Variants in MEGF6 observed in about 807,000 individuals in gnomAD.
MEGF6 encodes multiple EGF like domains 6, also known as multiple epidermal growth factor-like domains protein 6.
In MEGF6, 184 loss-of-function variants were observed where a neutral mutation model predicts 207.1. That is an observed-to-expected ratio of 0.89 (90% confidence interval 0.79 to 1.00). MEGF6 has a LOEUF of 1.00. Among genes scored for constraint, MEGF6 ranks in the 50% least tolerant of loss-of-function variants. MEGF6 has a pLI of 0.00. For missense variants in MEGF6, 2,282 were observed against 2,202.9 expected, an observed-to-expected ratio of 1.04 and a Z score of -0.72; for synonymous variants, 1,038 against 910.0, an observed-to-expected ratio of 1.14 and a Z score of -2.53.
At position 3,594,771 on chromosome 1, in the gene MEGF6, C is replaced by T. The variant is rs1375265271; in HGVS notation, c.376+567G>A. On this transcript the variant is annotated intron_variant, in intron 3 of 36. Coordinates refer to ENST00000356575, the MANE Select transcript of MEGF6 (RefSeq NM_001409.4). The surrounding 1 kb of genome is among the most constrained non-coding windows in gnomAD (Gnocchi z 4.2). ...CCCAATTCCAGTCCTGGGCCCCCAT[C>T]TCTGAGCCCCAGCACATCAGCACCT... 6.6e-6 allele frequency among the ~76,000 whole-genome samples: 1 copy of T among 152,258 alleles called. No homozygotes were observed. Among genetic ancestry groups the T allele is most frequent in the Non-Finnish European group, 1.5e-5 (1 of 68,048 alleles).
At chr1:3,600,692 G>A (rs1644142823) in intron 2 of MEGF6, among the ~76,000 whole-genome samples, 1 of 152,192 alleles carries the variant, frequency 6.6e-6, no homozygotes, top group African/African-American at 2.4e-5. Flanking sequence ...AATTGGAAAC[G>A]TGGGATTTGG....
intron 3 of MEGF6, among the ~76,000 whole-genome samples, chr1:3,587,217 C>G (rs372139430): frequency 6.6e-6 from 1 of 152,232 alleles, no homozygotes; most frequent in Non-Finnish European, 1.5e-5. Context: ...CAGGCCTCAC[C>G]GAGGACTCCG....
At chr1:3,600,907 G>A (rs879568000) in intron 2 of MEGF6, among the ~76,000 whole-genome samples, 2 of 152,190 alleles carry the variant, frequency 1.3e-5, no homozygotes, top group Non-Finnish European at 2.9e-5. Context: ...GTGGACCTCG[G>A]CCCCTCCCCC....
chr1:3,492,821 G>T, intron 34 of MEGF6, 54 bp from the exon 35 acceptor site: 2 of 1,578,670 alleles, frequency 1.3e-6, no homozygotes, highest in Non-Finnish European at 1.7e-6. Flanking sequence ...TGCCTTCCCC[G>T]CGCCAAGGAG....
Position 3,506,173 on chromosome 1 carries a change from C to T in MEGF6, c.1853G>A (p.Arg618Gln), listed in dbSNP as rs199558160. The T allele has an allele frequency of 7.3e-5, 117 of 1,596,044 alleles. 1 individual carries two copies. In the Admixed American group the frequency reaches 1.0e-3, roughly 14 times the overall value. The change falls in exon 15 of 37, where the codon CGG becomes CAG. Residue 618 changes from arginine to glutamine, a missense_variant. Transcript: ENST00000356575. ...GCAGGCCCCGTAGAGGCGGTGGCAC[C>T]GGCCCCGGTTGGCACAGTTGCATTT... Reference protein sequence around the residue: ...RKKCNCANRGRCHRLYGACLC... With the variant: ...RKKCNCANRGQCHRLYGACLC...
chr1:3,563,322 C>T (rs74757774), intron 4 of MEGF6, among the ~76,000 whole-genome samples: 2,513 of 152,304 alleles, frequency 0.016, 75 homozygotes, highest in African/African-American at 0.056. Context: ...ATGCCTGGCA[C>T]CTATGGCAGC....
chr1:3,567,508 T>C (rs974303614), intron 4 of MEGF6, among the ~76,000 whole-genome samples: 2 of 151,848 alleles, frequency 1.3e-5, no homozygotes, highest in African/African-American at 4.9e-5. Flanking sequence ...GGATCCCTCC[T>C]GCACCCCCAG....
Position 3,498,411 on chromosome 1 carries a change from G to A in MEGF6, c.3312C>T (p.Cys1104=), listed in dbSNP as rs1041191661. ...CCCCAGTCCAGCCGGCTGGGCAGAGGCAGCGGCCCGTGTGCGGGTCACACA... is the reference window on the plus strand; with the variant it reads ...CCCCAGTCCAGCCGGCTGGGCAGAGACAGCGGCCCGTGTGCGGGTCACACA... The part of the protein sequence containing the change: ...GGLCDPHTGR[C]LCPAGWTGDK... The change falls in exon 26 of 37, where the codon TGC becomes TGT. Residue 1104 remains cysteine, a synonymous_variant. Coordinates refer to ENST00000356575, the MANE Select transcript of MEGF6 (RefSeq NM_001409.4). 13 of 1,593,200 alleles carry A rather than the reference G, an allele frequency of 8.2e-6. No homozygotes were observed. The highest frequency in any genetic ancestry group is 1.1e-5 in the Non-Finnish European group (13 of 1,173,286).
intron 4 of MEGF6, among the ~76,000 whole-genome samples, chr1:3,547,973 C>T (rs895242935): frequency 3.3e-5 from 5 of 152,180 alleles, no homozygotes; most frequent in Admixed American, 6.5e-5. Flanking sequence ...AGGGACCAGG[C>T]GCCTCTGCCC....
intron 4 of MEGF6, among the ~76,000 whole-genome samples, chr1:3,571,151 G>C (rs377738424): frequency 3.4e-4 from 52 of 152,248 alleles, no homozygotes; most frequent in African/African-American, 1.2e-3. Flanking sequence ...ATCCCACAAG[G>C]AGGGGACAGC....
chr1:3,525,026 C>T (rs546651014), intron 4 of MEGF6, among the ~76,000 whole-genome samples: 54 of 152,318 alleles, frequency 3.5e-4, no homozygotes, highest in African/African-American at 1.2e-3. Flanking sequence ...CAGATGGCGA[C>T]AGAAGAAACT....
chr1:3,604,413 G>A (rs754827158), intron 1 of MEGF6, among the ~76,000 whole-genome samples: 14 of 152,148 alleles, frequency 9.2e-5, no homozygotes, highest in South Asian at 2.1e-4. Flanking sequence ...CAGACAGACC[G>A]GCAGCTGCAG....
chr1:3,616,362 T>C (rs976649301), upstream of MEGF6, among the ~76,000 whole-genome samples: 1 of 152,248 alleles, frequency 6.6e-6, no homozygotes, highest in African/African-American at 2.4e-5. Context: ...AGGTGTTTTC[T>C]GACCCTCAGA....
At chr1:3,587,535 T>C (rs1490805863) in intron 3 of MEGF6, among the ~76,000 whole-genome samples, 2 of 152,378 alleles carry the variant, frequency 1.3e-5, no homozygotes, top group South Asian at 2.1e-4. Flanking sequence ...GACGGGCGTG[T>C]GGAGCGGCGG....
intron 17 of MEGF6, among the ~76,000 whole-genome samples, chr1:3,504,139 G>T (rs924052848): frequency 6.6e-6 from 1 of 152,148 alleles, no homozygotes; most frequent in Non-Finnish European, 1.5e-5. Context: ...CTGGCCCCAG[G>T]GGAGGCAGAG....
intron 5 of MEGF6, among the ~76,000 whole-genome samples, chr1:3,519,870 C>T (rs567700597): frequency 1.3e-5 from 2 of 152,340 alleles, no homozygotes; most frequent in South Asian, 4.1e-4. Flanking sequence ...GAGTCTGCCC[C>T]AGGGCACACA....
chr1:3,621,703 G>T, the MEGF6 span, among the ~76,000 whole-genome samples: 2 of 152,174 alleles, frequency 1.3e-5, no homozygotes, highest in Non-Finnish European at 2.9e-5. Flanking sequence ...CAGAATGGTA[G>T]ATCTACCAGC....
rs78306014 is a variant in MEGF6, at chr1:3,584,273, C to T, written c.377-4344G>A. Among the ~76,000 whole-genome samples, 1,444 of 152,324 alleles carry T rather than the reference C, an allele frequency of 9.5e-3. 22 individuals carry two copies. Among genetic ancestry groups the T allele is most frequent in the African/African-American group, 0.033 (1,374 of 41,572 alleles). On this transcript the variant is annotated intron_variant, in intron 3 of 36. Transcript: ENST00000356575. ...AGTGGCTGGAGCTCATTTCCAGAAT[C>T]GGGTTAACTGTGGAAAGGGGACTGG...
intron 1 of MEGF6, among the ~76,000 whole-genome samples, chr1:3,606,614 C>A (rs1172725034): frequency 2.0e-5 from 3 of 152,198 alleles, no homozygotes; most frequent in East Asian, 1.9e-4. Flanking sequence ...AGTGTTACTG[C>A]AGATACTGGG....
Sources: gnomAD v4.1 joint callset for allele counts (sites outside exome capture counted in the v4.1 genomes callset) on GRCh38, gnomAD v4.1.1 for gene constraint, Gnocchi (gnomAD v3.1) non-coding constraint, MANE v1.5 for transcripts, NCBI Gene and HGNC (gene_info 2026-07-23, HGNC 2026-07-21) for gene names.